Variants in KLHL25 observed in about 807,000 individuals in gnomAD.
KLHL25 encodes kelch like family member 25, also known as kelch-like protein 25.
KLHL25 carries 41 observed loss-of-function variants against 30.0 expected under a neutral mutation model. The observed-to-expected ratio is 1.37, with a 90% CI of 1.07 to 1.78. The LOEUF (loss-of-function observed/expected upper bound fraction) is 1.78, where lower values mean the gene tolerates loss of function less well. Among genes scored for constraint, KLHL25 ranks in the 40% most tolerant of loss-of-function variants. KLHL25 has a pLI of 0.00. For synonymous variants in KLHL25, 399 were observed against 355.3 expected (o/e 1.12, Z -1.38); for missense variants, 971 against 824.5 (o/e 1.18, Z -2.18).
intron 1 of KLHL25, among the ~76,000 whole-genome samples, chr15:85,776,145 C>T (rs2089707553): frequency 6.6e-6 from 1 of 150,746 alleles, no homozygotes; most frequent in South Asian, 2.1e-4. Flanking sequence ...TGCACTCCAG[C>T]CTGGGCGACA....
chr15:85,768,911 C>G lies in KLHL25; in HGVS notation c.900G>C (p.Leu300=), dbSNP rs916337905. ...PRKAGHTLLI[L]GGQTFMCDKI... ...TGTCACACATGAAGGTCTGGCCCCC[C>G]AGGATGAGTAGCGTGTGGCCCGCCT... The change falls in exon 2 of 3, where the codon CTG becomes CTC. Residue 300 remains leucine, a synonymous_variant. Coordinates refer to ENST00000337975, the MANE Select transcript of KLHL25 (RefSeq NM_022480.4). 2 of 1,613,232 alleles carry G rather than the reference C, an allele frequency of 1.2e-6. No individual in the cohort carries two copies. The highest frequency in any genetic ancestry group is 1.7e-6 in the Non-Finnish European group (2 of 1,180,052).
intron 1 of KLHL25, among the ~76,000 whole-genome samples, chr15:85,770,279 G>GCTCT (rs2089662365): frequency 6.6e-6 from 1 of 152,226 alleles, no homozygotes; most frequent in Non-Finnish European, 1.5e-5. Context: ...ACAGCTCAGA[G>GCTCT]AGGCCAAGAA....
intron 1 of KLHL25, among the ~76,000 whole-genome samples, chr15:85,793,433 A>G (rs11629991): frequency 0.2 from 30,274 of 152,122 alleles, 3,183 homozygotes; most frequent in Middle Eastern, 0.3. Context: ...TGTGGACCCA[A>G]GAGCCTCCGG....
chr15:85,790,316 G>A (rs1347602834), intron 1 of KLHL25, among the ~76,000 whole-genome samples: 1 of 152,088 alleles, frequency 6.6e-6, no homozygotes, highest in Non-Finnish European at 1.5e-5. Context: ...TCAAACTCCC[G>A]ACCTCAGGTG....
intron 1 of KLHL25, among the ~76,000 whole-genome samples, chr15:85,793,002 C>G (rs1164321611): frequency 2.7e-5 from 4 of 150,674 alleles, no homozygotes; most frequent in Non-Finnish European, 6.0e-5. Context: ...AACAATGAAT[C>G]AATCAATCAA....
At chr15:85,778,688 G>C (rs1350296492) in intron 1 of KLHL25, among the ~76,000 whole-genome samples, 1 of 152,182 alleles carries the variant, frequency 6.6e-6, no homozygotes, top group Non-Finnish European at 1.5e-5. Context: ...TTCAAATCCA[G>C]GCCATCCCTC....
At chr15:85,777,943 C>A (rs1414415597) in intron 1 of KLHL25, among the ~76,000 whole-genome samples, 1 of 152,222 alleles carries the variant, frequency 6.6e-6, no homozygotes, top group Non-Finnish European at 1.5e-5. Flanking sequence ...ATTTTACATA[C>A]AAAATTTAAT....
Position 85,768,990 on chromosome 15 carries a change from G to A in KLHL25, c.821C>T (p.Thr274Ile). 1.9e-6 allele frequency: 3 copies of A among 1,612,540 alleles called. No individual in the cohort carries two copies. The highest frequency in any genetic ancestry group is 2.7e-5 in the African/African-American group (2 of 75,076). Reference sequence around the variant, plus strand: ...CACGCCATCATTCTGCAGGATCCTGGTCTTGCAGCGCAGGGCCTCATCCAT... The same window carrying A: ...CACGCCATCATTCTGCAGGATCCTGATCTTGCAGCGCAGGGCCTCATCCAT... ...LIMDEALRCK[T>I]RILQNDGVVT... is the part of the protein sequence containing the mutation. Residue 274 changes from threonine (T) to isoleucine (I), a missense_variant, in exon 2 of 3, where the codon ACC (threonine) becomes ATC (isoleucine). Thr to Ile is a moderately conservative substitution (Grantham distance 89). Transcript: ENST00000337975.
intron 1 of KLHL25, among the ~76,000 whole-genome samples, chr15:85,791,570 G>A (rs1262355922): frequency 6.6e-6 from 1 of 152,180 alleles, no homozygotes; most frequent in Non-Finnish European, 1.5e-5. Flanking sequence ...GGGCTTGGAA[G>A]GAAAGCAGGA....
chr15:85,774,893 T>TC (rs929791654), intron 1 of KLHL25, among the ~76,000 whole-genome samples: 8 of 151,292 alleles, frequency 5.3e-5, no homozygotes, highest in African/African-American at 1.9e-4. Context: ...TTTTTTTTTT[T>TC]TGAGACGGAG....
intron 1 of KLHL25, among the ~76,000 whole-genome samples, chr15:85,790,317 ACC>A (rs1264307888): frequency 1.3e-5 from 2 of 152,032 alleles, no homozygotes; most frequent in African/African-American, 4.8e-5. Flanking sequence ...CAAACTCCCG[ACC>A]TCAGGTGATC....
At chr15:85,787,881 T>G (rs919065423) in intron 1 of KLHL25, among the ~76,000 whole-genome samples, 4 of 152,058 alleles carry the variant, frequency 2.6e-5, no homozygotes, top group Non-Finnish European at 5.9e-5. Context: ...GTGCTCCATC[T>G]TTTCCTATAT....
At position 85,768,463 on chromosome 15, in the gene KLHL25, C is replaced by T. The variant is rs764623036; in HGVS notation, c.1348G>A (p.Gly450Arg). The T allele has an allele frequency of 1.4e-5, 22 of 1,613,416 alleles. No homozygotes were observed. The highest frequency in any genetic ancestry group is 4.0e-5 in the African/African-American group (3 of 74,920). The change falls in exon 2 of 3, where the codon GGA (glycine) becomes AGA (arginine). Residue 450 changes from glycine to arginine, a missense_variant. By Grantham distance (125) the Gly-to-Arg change is moderately radical. Transcript: ENST00000337975. Reference protein sequence around the residue: ...VSAKLKLFVFGGTSIHRDMVS... With the variant: ...VSAKLKLFVFRGTSIHRDMVS... ...ATGTCCCGGTGGATGCTGGTTCCTC[C>T]GAAAACAAAGAGCTTCAGCTTGGCA...
rs142077874 is a variant in KLHL25 at position 85,769,360 on chromosome 15, C to G, written c.451G>C (p.Gly151Arg). 5 of 1,614,146 alleles carry G rather than the reference C, an allele frequency of 3.1e-6. No individual in the cohort carries two copies. The highest frequency in any genetic ancestry group is 4.2e-6 in the Non-Finnish European group (5 of 1,180,024). The change falls in exon 2 of 3, where the codon GGC (glycine) becomes CGC (arginine). Residue 151 changes from glycine to arginine, a missense_variant. Physicochemically the swap from Gly to Arg is moderately radical, Grantham distance 125. Transcript: ENST00000337975. ...EKNLFPSNCL[G>R]MMLLSDAHQC... is the part of the protein sequence containing the mutation. ...TGGGCGTCCGAGAGCAGCATCATGC[C>G]CAGGCAGTTGGAGGGGAAAAGGTTC...
In KLHL25 at chr15:85,759,733, C is replaced by T. The variant is rs2089567408; in HGVS notation, c.*1303G>A. Reference sequence around the variant, plus strand: ...TTAAGTAACTGGTATGTGCACAGCCCCCTCCGCGGCCCTAATCTTGAGCCA... The same window carrying T: ...TTAAGTAACTGGTATGTGCACAGCCTCCTCCGCGGCCCTAATCTTGAGCCA... On this transcript the variant is annotated 3_prime_UTR_variant, in exon 3 of 3. Transcript: ENST00000337975. 4 of 152,288 alleles carry T rather than the reference C, an allele frequency of 2.6e-5. No individual in the cohort carries two copies. The highest frequency in any genetic ancestry group is 2.0e-4 in the Admixed American group (3 of 15,290). 9.4% of individuals were successfully genotyped at this position (152,288 alleles called of 1,614,324 possible).
At chr15:85,779,413 A>T (rs2089730177) in intron 1 of KLHL25, among the ~76,000 whole-genome samples, 1 of 151,520 alleles carries the variant, frequency 6.6e-6, no homozygotes, top group African/African-American at 2.4e-5. Context: ...GGAATGAAAA[A>T]CTCTTCTTCA....
At chr15:85,794,018 A>T (rs1308708622) in intron 1 of KLHL25, among the ~76,000 whole-genome samples, 1 of 152,232 alleles carries the variant, frequency 6.6e-6, no homozygotes, top group African/African-American at 2.4e-5. Flanking sequence ...CCCCCAAGAG[A>T]AAAGCTTCTA....
rs1250866363 is a variant in KLHL25, at chr15:85,768,806, G to A, written c.1005C>T (p.Ala335=). The A allele has an allele frequency of 1.2e-6, 2 of 1,613,210 alleles. No individual in the cohort carries two copies. Among genetic ancestry groups the A allele is most frequent in the African/African-American group, 2.7e-5 (2 of 74,950 alleles). ...DLPSPRKEFS[A]SAIGCKVYVT... ...CATAGACCTTGCAGCCGATCGCTGA[G>A]GCGCTGAACTCCTTCCGGGGGCTGG... The change falls in exon 2 of 3, where the codon GCC becomes GCT. Residue 335 remains alanine, a synonymous_variant. Transcript: ENST00000337975.
At chr15:85,790,601 A>C (rs1597283072) in intron 1 of KLHL25, among the ~76,000 whole-genome samples, 1 of 152,234 alleles carries the variant, frequency 6.6e-6, no homozygotes, top group East Asian at 1.9e-4. Context: ...GCATGTAGTC[A>C]CACAGGCAAG....
Sources: allele counts gnomAD v4.1 joint callset (sites outside exome capture counted in the v4.1 genomes callset), GRCh38; gene constraint gnomAD v4.1.1; transcripts MANE v1.5; gene names NCBI Gene and HGNC (gene_info 2026-07-23, HGNC 2026-07-21).